Variants in ANKAR observed in about 807,000 individuals in gnomAD.
ANKAR encodes ankyrin and armadillo repeat containing.
A neutral mutation model predicts 146.2 loss-of-function variants in ANKAR; 136 were observed. The observed-to-expected ratio is 0.93, with a 90% CI of 0.81 to 1.07. The LOEUF (loss-of-function observed/expected upper bound fraction) is 1.07, where lower values mean the gene tolerates loss of function less well. ANKAR is among the 50% of genes least tolerant of loss of function. The pLI, the probability that ANKAR is intolerant of heterozygous loss-of-function variation, is 0.00. For missense variants in ANKAR, 1,567 were observed against 1,679.9 expected (o/e 0.93, Z 1.18); for synonymous variants, 500 against 575.8 (o/e 0.87, Z 1.88).
intron 9 of ANKAR, among the ~76,000 whole-genome samples, chr2:189,708,595 T>G (rs937059840): frequency 6.6e-6 from 1 of 152,206 alleles, no homozygotes; most frequent in Non-Finnish European, 1.5e-5. Context: ...TGTGGGCTAA[T>G]GTAGTTATTC....
intron 2 of ANKAR, among the ~76,000 whole-genome samples, chr2:189,686,847 T>TC (rs397736276): frequency 1.3e-5 from 2 of 151,668 alleles, no homozygotes; most frequent in Admixed American, 6.6e-5. Flanking sequence ...TTTTAAATTT[T>TC]GTGGGTACAT....
At chr2:189,729,834 C>G (rs984889297) in intron 15 of ANKAR, among the ~76,000 whole-genome samples, 1 of 151,854 alleles carries the variant, frequency 6.6e-6, no homozygotes, top group Non-Finnish European at 1.5e-5. Flanking sequence ...TTATATTTAA[C>G]CCATTTATTT....
At chr2:189,741,496 A>C (rs1211085897) in intron 20 of ANKAR, 45 bp downstream of exon 20, 1 of 1,442,194 alleles carries the variant, frequency 6.9e-7, no homozygotes, top group East Asian at 2.4e-5. Flanking sequence ...TATGCTAAAA[A>C]TATAATTTAC....
intron 1 of ANKAR, among the ~76,000 whole-genome samples, chr2:189,675,630 G>A (rs1288734234): frequency 6.6e-6 from 1 of 152,174 alleles, no homozygotes; most frequent in Non-Finnish European, 1.5e-5. Flanking sequence ...TTACACGCAT[G>A]AGCCACTGCG....
chr2:189,707,065 G>C lies in ANKAR; in HGVS notation c.2038G>C (p.Val680Leu). 2 of 1,610,108 alleles carry C rather than the reference G, an allele frequency of 1.2e-6. No homozygotes were observed. ...IKGNNIIHLS[V>L]LTFHTEVLKY... ...AGGAAATAATATAATCCATTTATCAGTGTTAACCTTTCATACAGAGGTTCT... is the reference window on the plus strand; with the variant it reads ...AGGAAATAATATAATCCATTTATCACTGTTAACCTTTCATACAGAGGTTCT... The change falls in exon 9 of 23, where the codon GTG becomes CTG. Residue 680 changes from valine to leucine, a missense_variant. By Grantham distance (32) the Val-to-Leu change is conservative. Transcript: ENST00000684021.
chr2:189,700,784 G>A (rs2037952310), intron 7 of ANKAR, among the ~76,000 whole-genome samples: 2 of 152,128 alleles, frequency 1.3e-5, no homozygotes, highest in South Asian at 2.1e-4. Context: ...AACAGGCAAA[G>A]TTTGTCTTTC....
chr2:189,698,707 TGA>T (rs1479698820), intron 7 of ANKAR, among the ~76,000 whole-genome samples: 1 of 152,160 alleles, frequency 6.6e-6, no homozygotes, highest in South Asian at 2.1e-4. Flanking sequence ...ACAGCAAACC[TGA>T]GATGACCTCA....
intron 2 of ANKAR, among the ~76,000 whole-genome samples, chr2:189,687,898 C>T (rs562904773): frequency 5.2e-4 from 79 of 152,222 alleles, no homozygotes; most frequent in African/African-American, 1.9e-3. Flanking sequence ...TATTTTCTCC[C>T]ATTCTGTGGG....
At chr2:189,727,178 C>A (rs1318129013) in intron 12 of ANKAR, among the ~76,000 whole-genome samples, 5 of 151,646 alleles carry the variant, frequency 3.3e-5, no homozygotes, top group Non-Finnish European at 5.9e-5. Context: ...ATCACCAGTA[C>A]CAAAAATACA....
chr2:189,698,399 GTTA>G (rs2037561204), intron 7 of ANKAR, among the ~76,000 whole-genome samples: 1 of 151,368 alleles, frequency 6.6e-6, no homozygotes, highest in African/African-American at 2.4e-5. Context: ...AAAAAAAAAA[GTTA>G]TTATAATATA....
downstream of ANKAR, chr2:189,762,763 G>T (rs1182566985): frequency 3.0e-6 from 3 of 985,386 alleles, no homozygotes; most frequent in Admixed American, 1.2e-4. Flanking sequence ...CGCTGCAGGA[G>T]AAAGCCCGAA....
chr2:189,698,398 A>G (rs1226746904), intron 7 of ANKAR, among the ~76,000 whole-genome samples: 2 of 151,934 alleles, frequency 1.3e-5, no homozygotes, highest in Non-Finnish European at 2.9e-5. Context: ...AAAAAAAAAA[A>G]GTTATTATAA....
intron 1 of ANKAR, 43 bp from the exon 2 acceptor site, chr2:189,676,413 T>C: frequency 7.1e-7 from 1 of 1,415,724 alleles, no homozygotes; most frequent in Non-Finnish European, 9.3e-7. Flanking sequence ...TTCATTGGCA[T>C]GTCAGATTTT....
intron 7 of ANKAR, among the ~76,000 whole-genome samples, chr2:189,697,291 T>C (rs2037363877): frequency 6.6e-6 from 1 of 151,802 alleles, no homozygotes; most frequent in Non-Finnish European, 1.5e-5. Flanking sequence ...CTAGCTACTC[T>C]GAGAGGCTGA....
At chr2:189,740,393 A>G (rs2043213697) in intron 19 of ANKAR, among the ~76,000 whole-genome samples, 1 of 152,224 alleles carries the variant, frequency 6.6e-6, no homozygotes, top group Non-Finnish European at 1.5e-5. Flanking sequence ...TTGGCTTATA[A>G]TAGAGGCCAG....
chr2:189,679,641 A>G (rs1019861881), intron 2 of ANKAR, among the ~76,000 whole-genome samples: 1 of 152,150 alleles, frequency 6.6e-6, no homozygotes, highest in Non-Finnish European at 1.5e-5. Context: ...TGTCCCTTCT[A>G]TGGCCATTTC....
chr2:189,702,406 G>T (rs2038207298), intron 7 of ANKAR, among the ~76,000 whole-genome samples: 1 of 152,170 alleles, frequency 6.6e-6, no homozygotes, highest in South Asian at 2.1e-4. Flanking sequence ...TCCACATTGA[G>T]CTTCTAGCAA....
At chr2:189,707,183 A>T (rs2039054320) in intron 9 of ANKAR, 37 bp downstream of exon 9, 1 of 1,164,458 alleles carries the variant, frequency 8.6e-7, no homozygotes. Context: ...TGTTCTGATT[A>T]TTATTCAGTT....
intron 18 of ANKAR, among the ~76,000 whole-genome samples, chr2:189,759,509 C>A (rs1196734407): frequency 6.6e-6 from 1 of 152,210 alleles, no homozygotes; most frequent in African/African-American, 2.4e-5. Flanking sequence ...CTCGGCCTCC[C>A]AAAGTGATGC....
Sources: gnomAD v4.1 joint callset for allele counts (sites outside exome capture counted in the v4.1 genomes callset) on GRCh38, gnomAD v4.1.1 for gene constraint, MANE v1.5 for transcripts, NCBI Gene and HGNC (gene_info 2026-07-23, HGNC 2026-07-21) for gene names.